PKNOX2: variants seen among roughly 807,000 people sequenced by gnomAD.
PKNOX2 encodes the protein homeobox protein PKNOX2.
In PKNOX2, 14 loss-of-function variants were observed where a neutral mutation model predicts 53.1. That is an observed-to-expected ratio of 0.26 (90% CI 0.17 to 0.41). The LOEUF is 0.41. PKNOX2 is among the 10% of genes least tolerant of loss of function. The pLI is 1.00. For missense variants in PKNOX2, 496 were observed against 602.8 expected (o/e 0.82, Z 1.85); for synonymous variants, 257 against 242.8 (o/e 1.06, Z -0.54).
intron 1 of PKNOX2, among the ~76,000 whole-genome samples, chr11:125,190,656 CCT>C (rs1186747416): frequency 1.3e-5 from 2 of 152,066 alleles, no homozygotes; most frequent in African/African-American, 4.8e-5. Context: ...CCGACCCTGC[CCT>C]GTGATGGCCA....
At chr11:125,428,568 T>C (rs1401242795) in intron 10 of PKNOX2, among the ~76,000 whole-genome samples, 2 of 152,198 alleles carry the variant, frequency 1.3e-5, no homozygotes, top group African/African-American at 2.4e-5. Context: ...ATAGTAGATA[T>C]TCAGTAAATA....
At chr11:125,358,006 C>T (rs1387315624) in intron 4 of PKNOX2, among the ~76,000 whole-genome samples, 1 of 152,058 alleles carries the variant, frequency 6.6e-6, no homozygotes, top group Non-Finnish European at 1.5e-5. Flanking sequence ...CATGTGGGGC[C>T]TTAGTTTCTG....
At chr11:125,212,741 A>T (rs950986273) in intron 1 of PKNOX2, among the ~76,000 whole-genome samples, 1 of 151,870 alleles carries the variant, frequency 6.6e-6, no homozygotes, top group African/African-American at 2.4e-5. Flanking sequence ...GCCAGCCCCC[A>T]AGCTGGAGGT....
chr11:125,375,943 CAG>C (rs1952810326), intron 5 of PKNOX2, among the ~76,000 whole-genome samples: 1 of 152,202 alleles, frequency 6.6e-6, no homozygotes, highest in Non-Finnish European at 1.5e-5. Flanking sequence ...TTTTCACTGC[CAG>C]AGTCACCTCG....
chr11:125,421,806 G>T (rs1956188550), intron 10 of PKNOX2, among the ~76,000 whole-genome samples: 1 of 152,226 alleles, frequency 6.6e-6, no homozygotes. Context: ...CAGCCGGGGA[G>T]CCCTTGCTGC....
At chr11:125,241,594 C>T (rs766235287) in intron 2 of PKNOX2, among the ~76,000 whole-genome samples, 3 of 152,344 alleles carry the variant, frequency 2.0e-5, no homozygotes, top group South Asian at 4.1e-4. Flanking sequence ...CGGTGGCTCA[C>T]GCCTGTAATC....
chr11:125,217,016 C>T (rs1245820830), intron 1 of PKNOX2, among the ~76,000 whole-genome samples: 3 of 151,654 alleles, frequency 2.0e-5, no homozygotes, highest in African/African-American at 7.3e-5. Context: ...AAAACACACA[C>T]ACACACACAC....
At chr11:125,215,477 C>T (rs1221942214) in intron 1 of PKNOX2, among the ~76,000 whole-genome samples, 2 of 152,014 alleles carry the variant, frequency 1.3e-5, no homozygotes, top group African/African-American at 4.8e-5. Flanking sequence ...CCATGCTGGG[C>T]GCGGTGGCTC....
Position 125,431,529 on chromosome 11 carries a change from A to G in PKNOX2, c.*137A>G, listed in dbSNP as rs546584621. ...TAGCTTCCCCAAATCAGTAGCTTGA[A>G]GAAAGGCAAAGGAGACACCTGTTCC... On this transcript the variant is annotated 3_prime_UTR_variant, in exon 13 of 13. Transcript: ENST00000298282. 103 of 1,032,668 alleles carry G rather than the reference A, an allele frequency of 1.0e-4. No homozygotes were observed. In the Middle Eastern group the frequency reaches 1.6e-3, roughly 16 times the overall value. 64.0% of individuals were successfully genotyped at this position (1,032,668 alleles called of 1,614,324 possible).
intron 2 of PKNOX2, among the ~76,000 whole-genome samples, chr11:125,325,114 A>G (rs773173056): frequency 6.6e-6 from 1 of 152,146 alleles, no homozygotes; most frequent in African/African-American, 2.4e-5. Context: ...TAAAGCGGAC[A>G]TTTGCTTTTC....
rs1956743123 is a variant in PKNOX2, at chr11:125,432,426, G to C, written c.*1034G>C. The stretch of plus-strand genomic sequence containing the variant: ...TCCTTTCTTCATTCTGTCCTTCAGG[G>C]AAGGCAGAAGAAACATTGGAAAGCA... On this transcript the variant is annotated 3_prime_UTR_variant, in exon 13 of 13. Coordinates refer to ENST00000298282, the MANE Select transcript of PKNOX2 (RefSeq NM_001382323.2). 6.5e-6 allele frequency: 1 copy of C among 152,774 alleles called. No individual in the cohort carries two copies. The highest frequency in any genetic ancestry group is 1.5e-5 in the Non-Finnish European group (1 of 68,074). 9.5% of individuals were successfully genotyped at this position (152,774 alleles called of 1,614,324 possible). A position where few individuals can be genotyped will look rare whatever the true frequency, so the allele number is the denominator to read the frequency against.
rs943915039 is a variant in PKNOX2, at chr11:125,177,239, C to G, written c.-201+12463C>G. ...CAGGGCTGTATCTTCCCTTTGGAAA[C>G]ACTGAGGAAAATTTGTGAATATTTT... On this transcript the variant is annotated intron_variant, in intron 1 of 12. Coordinates refer to ENST00000298282, the MANE Select transcript of PKNOX2 (RefSeq NM_001382323.2). Among the ~76,000 whole-genome samples the G allele has an allele frequency of 4.4e-4, 66 of 151,456 alleles. 4 individuals are homozygous for G.
chr11:125,362,989 T>A (rs1952004128), intron 4 of PKNOX2, among the ~76,000 whole-genome samples: 1 of 152,176 alleles, frequency 6.6e-6, no homozygotes, highest in Non-Finnish European at 1.5e-5. Context: ...AAACCAAGAA[T>A]CTGGGCAGGG....
intron 7 of PKNOX2, among the ~76,000 whole-genome samples, chr11:125,405,862 C>T (rs959582): frequency 0.84 from 127,332 of 152,182 alleles, 53,381 homozygotes; most frequent in East Asian, 0.96. Context: ...ATTCCCAGGC[C>T]TCAGGCAGTT....
At chr11:125,276,545 G>A in intron 2 of PKNOX2, among the ~76,000 whole-genome samples, 1 of 152,194 alleles carries the variant, frequency 6.6e-6, no homozygotes, top group East Asian at 1.9e-4. Context: ...GGCATGGCCT[G>A]AGTATTTTAG....
At chr11:125,376,912 G>A (rs201314041) in intron 5 of PKNOX2, among the ~76,000 whole-genome samples, 8 of 152,184 alleles carry the variant, frequency 5.3e-5, no homozygotes, top group East Asian at 1.9e-4. Flanking sequence ...GTCCTTTTTC[G>A]GTTAAAAGAA....
Position 125,429,068 on chromosome 11 carries a change from C to A in PKNOX2, c.993C>A (p.Thr331=). 2.5e-6 allele frequency: 4 copies of A among 1,613,420 alleles called. No homozygotes were observed. Among genetic ancestry groups the A allele is most frequent in the Non-Finnish European group, 3.4e-6 (4 of 1,179,370 alleles). The stretch of plus-strand genomic sequence containing the variant: ...AGATCGCAGCCCAGACCAACCTCAC[C>A]CTCCTGCAAGTAAACAACTGGTGAG... The part of the protein sequence containing the change: ...KRQIAAQTNL[T]LLQVNNWFIN... Residue 331 remains threonine, a synonymous_variant, in exon 11 of 13, where the codon ACC becomes ACA. Coordinates refer to ENST00000298282, the MANE Select transcript of PKNOX2 (RefSeq NM_001382323.2).
At chr11:125,354,670 C>T (rs796888510) in intron 4 of PKNOX2, among the ~76,000 whole-genome samples, 10 of 152,270 alleles carry the variant, frequency 6.6e-5, no homozygotes, top group African/African-American at 2.4e-4. Context: ...AGCCCCGGAC[C>T]TTCTTTATAA....
chr11:125,225,165 T>A (rs1941580870), intron 1 of PKNOX2, among the ~76,000 whole-genome samples: 1 of 151,712 alleles, frequency 6.6e-6, no homozygotes, highest in Non-Finnish European at 1.5e-5. Context: ...CAAAGGGGAG[T>A]GAATAGAAGG....
Sources: gnomAD v4.1 joint callset for allele counts (sites outside exome capture counted in the v4.1 genomes callset) on GRCh38, gnomAD v4.1.1 for gene constraint, MANE v1.5 for transcripts, NCBI Gene and HGNC (gene_info 2026-07-23, HGNC 2026-07-21) for gene names.